SHROOM3: variants seen among roughly 807,000 people sequenced by gnomAD.
SHROOM3 encodes protein Shroom3.
In SHROOM3, 47 loss-of-function variants were observed where a neutral mutation model predicts 138.6. That is an observed-to-expected ratio of 0.34 (90% CI 0.27 to 0.43). SHROOM3 has a LOEUF of 0.43. Among genes scored for constraint, SHROOM3 ranks in the 20% least tolerant of loss-of-function variants. The pLI, the probability that SHROOM3 is intolerant of heterozygous loss-of-function variation, is 1.00. For synonymous variants in SHROOM3, 1,062 were observed against 1,063.3 expected (o/e 1.00, Z 0.02); for missense variants, 2,491 against 2,596.5 (o/e 0.96, Z 0.88).
chr4:76,730,023 C>CT (rs573393589), intron 3 of SHROOM3, among the ~76,000 whole-genome samples: 334 of 152,234 alleles, frequency 2.2e-3, no homozygotes, highest in African/African-American at 6.5e-3. Context: ...GATTACCTGA[C>CT]TTTTTTTGCC....
At chr4:76,619,797 C>T (rs1203956227) in intron 2 of SHROOM3, among the ~76,000 whole-genome samples, 1 of 152,166 alleles carries the variant, frequency 6.6e-6, no homozygotes, top group Non-Finnish European at 1.5e-5. Flanking sequence ...CGTGGTGGCT[C>T]ATGCCTCTAA....
chr4:76,702,130 T>A (rs554834509), intron 2 of SHROOM3, among the ~76,000 whole-genome samples: 15 of 152,180 alleles, frequency 9.9e-5, no homozygotes, highest in Non-Finnish European at 1.9e-4. Context: ...GTGGAAAAAT[T>A]AAAGGCATAC....
intron 2 of SHROOM3, among the ~76,000 whole-genome samples, chr4:76,665,410 C>T (rs995218676): frequency 1.6e-4 from 24 of 152,206 alleles, no homozygotes; most frequent in African/African-American, 5.5e-4. Context: ...TACCAGGAAG[C>T]TGTGGCATTC....
intron 2 of SHROOM3, among the ~76,000 whole-genome samples, chr4:76,655,025 A>G (rs1736036760): frequency 6.6e-6 from 1 of 152,212 alleles, no homozygotes; most frequent in Non-Finnish European, 1.5e-5. Context: ...TTCAGAAAGT[A>G]GTCAGCTTGG....
At chr4:76,598,776 T>G (rs1734442762) in intron 2 of SHROOM3, among the ~76,000 whole-genome samples, 1 of 152,194 alleles carries the variant, frequency 6.6e-6, no homozygotes, top group Non-Finnish European at 1.5e-5. Flanking sequence ...AGGATGCTCA[T>G]GAGTTTGAAC....
intron 10 of SHROOM3, among the ~76,000 whole-genome samples, chr4:76,773,217 A>G (rs1722426484): frequency 6.6e-6 from 1 of 152,044 alleles, no homozygotes; most frequent in Non-Finnish European, 1.5e-5. Context: ...TCTGCTAAAA[A>G]TACAAAAATT....
At chr4:76,631,101 T>A in intron 2 of SHROOM3, among the ~76,000 whole-genome samples, 1 of 151,358 alleles carries the variant, frequency 6.6e-6, no homozygotes, top group East Asian at 1.9e-4. Context: ...CAGACAGTAA[T>A]AAGTGCTATG....
chr4:76,741,370 A>G lies in SHROOM3; in HGVS notation c.3197A>G (p.Lys1066Arg). Reference sequence around the variant, plus strand: ...CGCCGTCTCTTCGAGCGCGATGGCAAGGCCTGCTCCACGCTCAGCCTGTCG... The same window carrying G: ...CGCCGTCTCTTCGAGCGCGATGGCAGGGCCTGCTCCACGCTCAGCCTGTCG... ...DRRRLFERDG[K>R]ACSTLSLSGP... Residue 1066 changes from lysine to arginine, a missense_variant, in exon 5 of 11, where the codon AAG becomes AGG. Physicochemically the swap from Lys to Arg is conservative, Grantham distance 26 (BLOSUM62 2). This residue lies in a region of SHROOM3 where 1,733 missense variants were observed against 1,661.6 expected (regional missense o/e 1.04). Coordinates refer to ENST00000296043, the MANE Select transcript of SHROOM3 (RefSeq NM_020859.4). The surrounding 1 kb of genome is among the most constrained non-coding windows in gnomAD (Gnocchi z 6.2). 6.2e-7 allele frequency: 1 copy of G among 1,606,098 alleles called. No individual in the cohort carries two copies. Among genetic ancestry groups the G allele is most frequent in the Non-Finnish European group, 8.5e-7 (1 of 1,177,188 alleles).
At chr4:76,703,253 A>G (rs1046508558) in intron 2 of SHROOM3, among the ~76,000 whole-genome samples, 3 of 152,208 alleles carry the variant, frequency 2.0e-5, no homozygotes, top group African/African-American at 7.2e-5. Context: ...CTAAAACACT[A>G]GATAGGATAC....
chr4:76,522,358 C>A (rs1732584097), intron 1 of SHROOM3, among the ~76,000 whole-genome samples: 1 of 150,540 alleles, frequency 6.6e-6, no homozygotes, highest in Non-Finnish European at 1.5e-5. Context: ...ATGAGAATAT[C>A]TTTATTCTTA....
intron 2 of SHROOM3, among the ~76,000 whole-genome samples, chr4:76,641,217 T>A (rs1735657144): frequency 6.6e-6 from 1 of 152,240 alleles, no homozygotes; most frequent in Non-Finnish European, 1.5e-5. Flanking sequence ...ATATTCAGCT[T>A]TGTAACTTGA....
chr4:76,506,879 T>C (rs1023614730), intron 1 of SHROOM3, among the ~76,000 whole-genome samples: 1 of 152,200 alleles, frequency 6.6e-6, no homozygotes, highest in African/African-American at 2.4e-5. Context: ...CTTACAGTAC[T>C]CCCTCCATAC....
chr4:76,525,325 G>A (rs990368661), intron 1 of SHROOM3, among the ~76,000 whole-genome samples: 3 of 152,078 alleles, frequency 2.0e-5, no homozygotes, highest in Admixed American at 6.6e-5. Flanking sequence ...ATCAGATCTC[G>A]TGAGACTCAC....
chr4:76,755,440 T>C (rs1403635526), intron 7 of SHROOM3, among the ~76,000 whole-genome samples: 1 of 152,150 alleles, frequency 6.6e-6, no homozygotes, highest in African/African-American at 2.4e-5. Flanking sequence ...GGGGACAGGA[T>C]AGGCTTAGGC....
chr4:76,741,014 GCT>G lies in SHROOM3; in HGVS notation c.2842_2843del (p.Leu948GlyfsTer44). The G allele has an allele frequency of 6.7e-7, 1 of 1,486,154 alleles. No homozygotes were observed. Among genetic ancestry groups the G allele is most frequent in the Non-Finnish European group, 8.9e-7 (1 of 1,122,074 alleles). The allele number at this position is 1,486,154 out of a possible 1,614,324, so 92.1% of individuals were successfully genotyped here. A position where few individuals can be genotyped will look rare whatever the true frequency, so the allele number is the denominator to read the frequency against. On this transcript the variant is annotated frameshift_variant, in exon 5 of 11. Transcript: ENST00000296043. LOFTEE classifies it high-confidence loss of function. This position sits in a 1 kb window ranked among gnomAD's most constrained non-coding sequence, Gnocchi z 6.2. ...ATSFRRRDLELGAPVASRSWR... is the reference protein window; with the variant it reads ...ATSFRRRDLEXGAPVASRSWR... ...CCTCCTTTCGACGTCGAGACCTGGA[GCT>G]GGGGGCGCCCGTGGCGTCGAGGTCC... is the stretch of plus-strand genomic sequence containing the variant.
chr4:76,657,279 T>C (rs1410080387), intron 2 of SHROOM3, among the ~76,000 whole-genome samples: 1 of 152,202 alleles, frequency 6.6e-6, no homozygotes, highest in African/African-American at 2.4e-5. Flanking sequence ...AACATTTATG[T>C]AAGGCCGTTG....
At chr4:76,601,685 G>A (rs1734508522) in intron 2 of SHROOM3, among the ~76,000 whole-genome samples, 2 of 151,828 alleles carry the variant, frequency 1.3e-5, no homozygotes, top group African/African-American at 4.8e-5. Context: ...TGTATTTTTA[G>A]TAGAGACAGG....
At chr4:76,629,865 G>A (rs940719818) in intron 2 of SHROOM3, among the ~76,000 whole-genome samples, 2 of 152,182 alleles carry the variant, frequency 1.3e-5, no homozygotes, top group Non-Finnish European at 2.9e-5. Flanking sequence ...TGTTAATGAG[G>A]CAGATTGGTG....
At chr4:76,636,157 T>G (rs1735488900) in intron 2 of SHROOM3, among the ~76,000 whole-genome samples, 1 of 152,234 alleles carries the variant, frequency 6.6e-6, no homozygotes. Flanking sequence ...TCTCTTTTAT[T>G]TTATTGAAAG....
Sources: allele counts gnomAD v4.1 joint callset (sites outside exome capture counted in the v4.1 genomes callset), GRCh38; gene constraint gnomAD v4.1.1; regional missense constraint gnomAD v4.1.1; non-coding constraint Gnocchi (gnomAD v3.1); transcripts MANE v1.5; gene names NCBI Gene and HGNC (gene_info 2026-07-23, HGNC 2026-07-21).